The following CLIC4 variants were observed in gnomAD, a reference collection of about 807,000 sequenced individuals.
CLIC4 encodes the protein CLIC family member 4, also known as chloride intracellular channel protein 4.
In CLIC4, 13 loss-of-function variants were observed where a neutral mutation model predicts 24.6. That is an observed-to-expected ratio of 0.53 (90% confidence interval 0.34 to 0.84). The LOEUF (loss-of-function observed/expected upper bound fraction) is 0.84, where lower values mean the gene tolerates loss of function less well. CLIC4 is among the 40% of genes least tolerant of loss of function. CLIC4 has a pLI of 0.01. For missense variants in CLIC4, 227 were observed against 301.7 expected (o/e 0.75, Z 1.83); for synonymous variants, 104 against 111.3 (o/e 0.93, Z 0.41).
chr1:24,758,976 A>G (rs914354822), intron 1 of CLIC4, among the ~76,000 whole-genome samples: 2 of 152,186 alleles, frequency 1.3e-5, no homozygotes, highest in Non-Finnish European at 2.9e-5. Context: ...TTTAGGTTTT[A>G]TAAAAGAAAC....
chr1:24,799,528 CCCGGCAGCCCCCCCA>C (rs1208627956), intron 2 of CLIC4, among the ~76,000 whole-genome samples: 13 of 151,902 alleles, frequency 8.6e-5, no homozygotes, highest in Admixed American at 3.3e-4. Context: ...AGCGTCTCCG[CCCGGCAGCCCCCCCA>C]TCTGGGAAGT....
intron 4 of CLIC4, among the ~76,000 whole-genome samples, chr1:24,829,697 A>G (rs531580646): frequency 5.3e-5 from 8 of 152,192 alleles, no homozygotes; most frequent in Non-Finnish European, 1.0e-4. Context: ...GGCATATTTC[A>G]TGATGTCCAA....
At chr1:24,820,062 AGTATGTATATATATATGTATATAT>A (rs1639711311) in intron 3 of CLIC4, among the ~76,000 whole-genome samples, 1 of 24,740 alleles carries the variant, frequency 4.0e-5, no homozygotes, top group Non-Finnish European at 9.3e-5. Context: ...AAAAAAAAAA[AGTATGTATATATATATGTATATAT>A]ATATATATAT....
At chr1:24,786,776 C>T (rs1285710843) in intron 1 of CLIC4, among the ~76,000 whole-genome samples, 1 of 151,980 alleles carries the variant, frequency 6.6e-6, no homozygotes, top group Non-Finnish European at 1.5e-5. Flanking sequence ...CACCACCACA[C>T]CCGGCTAATT....
At chr1:24,800,634 G>T (rs1639476849) in intron 2 of CLIC4, among the ~76,000 whole-genome samples, 2 of 152,232 alleles carry the variant, frequency 1.3e-5, no homozygotes, top group Non-Finnish European at 2.9e-5. Context: ...GGCGGGAAAG[G>T]TGGGGAGAAG....
chr1:24,772,548 C>T (rs527660006), intron 1 of CLIC4, among the ~76,000 whole-genome samples: 359 of 152,254 alleles, frequency 2.4e-3, no homozygotes, highest in Non-Finnish European at 4.1e-3. Context: ...TGCAGTGGCA[C>T]GATCTCAGCT....
intron 2 of CLIC4, among the ~76,000 whole-genome samples, chr1:24,806,994 C>T (rs534028369): frequency 6.6e-6 from 1 of 152,160 alleles, no homozygotes; most frequent in South Asian, 2.1e-4. Flanking sequence ...TCTCCCTCTC[C>T]CAATAAATAT....
At chr1:24,817,758 A>G (rs1451508566) in intron 3 of CLIC4, among the ~76,000 whole-genome samples, 1 of 152,216 alleles carries the variant, frequency 6.6e-6, no homozygotes, top group Non-Finnish European at 1.5e-5. Flanking sequence ...ACTAAGCAGA[A>G]TCATTTCTAG....
intron 3 of CLIC4, among the ~76,000 whole-genome samples, chr1:24,816,255 T>TC (rs1295320346): frequency 1.1e-4 from 16 of 149,762 alleles, no homozygotes; most frequent in Admixed American, 2.7e-4. Context: ...TTTTTTTTTT[T>TC]TGGACGGAGT....
chr1:24,773,546 T>G (rs1254395624), intron 1 of CLIC4, among the ~76,000 whole-genome samples: 1 of 151,876 alleles, frequency 6.6e-6, no homozygotes, highest in Non-Finnish European at 1.5e-5. Context: ...TTAGCAGATA[T>G]TTTTTAAAAA....
At chr1:24,753,078 A>G (rs1484279903) in intron 1 of CLIC4, among the ~76,000 whole-genome samples, 1 of 152,176 alleles carries the variant, frequency 6.6e-6, no homozygotes, top group African/African-American at 2.4e-5. Flanking sequence ...AGTTCTGTAA[A>G]TCCTTGAAAT....
chr1:24,760,615 C>T (rs185485321), intron 1 of CLIC4, among the ~76,000 whole-genome samples: 1 of 152,068 alleles, frequency 6.6e-6, no homozygotes, highest in African/African-American at 2.4e-5. Context: ...CTTTTCCACC[C>T]TCTCCCTGCC....
intron 2 of CLIC4, among the ~76,000 whole-genome samples, chr1:24,810,314 A>G (rs1354538651): frequency 1.3e-5 from 2 of 152,174 alleles, no homozygotes; most frequent in Non-Finnish European, 2.9e-5. Flanking sequence ...AGTTTTTCTT[A>G]ATCTATAACA....
intron 1 of CLIC4, among the ~76,000 whole-genome samples, chr1:24,795,439 T>C (rs1471556805): frequency 6.6e-6 from 1 of 152,080 alleles, no homozygotes; most frequent in Non-Finnish European, 1.5e-5. Context: ...GGAGTATTTC[T>C]TAAGTCCACG....
chr1:24,800,323 C>T (rs1292432972), intron 2 of CLIC4, among the ~76,000 whole-genome samples: 3 of 104,732 alleles, frequency 2.9e-5, no homozygotes, highest in East Asian at 3.3e-4. Flanking sequence ...CCCGGCCAGC[C>T]GCCCCGTCCG....
intron 1 of CLIC4, among the ~76,000 whole-genome samples, chr1:24,763,971 A>G (rs552352926): frequency 3.7e-4 from 57 of 152,326 alleles, no homozygotes; most frequent in Non-Finnish European, 7.4e-4. Context: ...TGTCTGCCTC[A>G]TAATAGGCAT....
intron 1 of CLIC4, among the ~76,000 whole-genome samples, chr1:24,758,571 C>T (rs1209710907): frequency 6.6e-6 from 1 of 152,104 alleles, no homozygotes; most frequent in East Asian, 1.9e-4. Flanking sequence ...ATTCTCTTGC[C>T]TCAGCCTCCC....
Position 24,745,581 on chromosome 1 carries a change from C to A in CLIC4, c.28C>A (p.Leu10Met). 1 of 1,592,226 alleles carries A rather than the reference C, an allele frequency of 6.3e-7. No individual in the cohort carries two copies. Among genetic ancestry groups the A allele is most frequent in the Non-Finnish European group, 8.5e-7 (1 of 1,171,842 alleles). Residue 10 changes from leucine to methionine, a missense_variant, in exon 1 of 6, where the codon CTG becomes ATG. Transcript: ENST00000374379. MALSMPLNGLKEEDKEPLIE... is the reference protein window; with the variant it reads MALSMPLNGMKEEDKEPLIE... ...GGCGTTGTCGATGCCGCTGAATGGG[C>A]TGAAGGAGGAGGACAAAGAGCCCCT...
chr1:24,785,387 T>A (rs762673089), intron 1 of CLIC4, among the ~76,000 whole-genome samples: 9 of 152,196 alleles, frequency 5.9e-5, no homozygotes, highest in Non-Finnish European at 1.3e-4. Context: ...TTCACAGATG[T>A]TAAGTAACTT....
Sources: gnomAD v4.1 joint callset for allele counts (sites outside exome capture counted in the v4.1 genomes callset) on GRCh38, gnomAD v4.1.1 for gene constraint, MANE v1.5 for transcripts, NCBI Gene and HGNC (gene_info 2026-07-23, HGNC 2026-07-21) for gene names.